ALDH5A1: variants seen among roughly 807,000 people sequenced by gnomAD.
The protein encoded by ALDH5A1 is succinate-semialdehyde dehydrogenase, mitochondrial.
A neutral mutation model predicts 54.7 loss-of-function variants in ALDH5A1; 33 were observed. The ratio of observed to expected loss-of-function variants is 0.60; its 90% CI spans 0.46 to 0.81. The LOEUF (loss-of-function observed/expected upper bound fraction) is 0.81. ALDH5A1 is among the 30% of genes least tolerant of loss of function. ALDH5A1 has a pLI of 0.00. For synonymous variants in ALDH5A1, 294 were observed against 292.7 expected, an observed-to-expected ratio of 1.00 and a Z score of -0.05; for missense variants, 657 against 711.0, an observed-to-expected ratio of 0.92 and a Z score of 0.86.
rs188830504 is a variant in ALDH5A1 at position 24,513,522 on chromosome 6, G to A, written c.727-1645G>A. ...TGTACCTTTTGCTTCCTTGTGTATC[G>A]TGTTCAAAGATAAGGTAGCTTGCTT... is the stretch of plus-strand genomic sequence containing the variant. On this transcript the variant is annotated intron_variant, in intron 4 of 9. Transcript: ENST00000357578. Among the ~76,000 whole-genome samples the A allele has an allele frequency of 1.1e-4, 16 of 152,238 alleles. No homozygotes were observed. The East Asian group carries it at 1.2e-3, about 11-fold the overall frequency.
intron 1 of ALDH5A1, among the ~76,000 whole-genome samples, chr6:24,495,588 C>T (rs1764684808): frequency 6.6e-6 from 1 of 152,212 alleles, no homozygotes; most frequent in Non-Finnish European, 1.5e-5. Flanking sequence ...TCAAGTTATG[C>T]ACTGCCCAGT....
rs147531984 is a variant in ALDH5A1, at chr6:24,498,701, C to A, written c.354+3351C>A. 2.4e-3 allele frequency among the ~76,000 whole-genome samples: 365 copies of A among 152,334 alleles called. 7 individuals carry two copies. In the East Asian group the frequency reaches 0.027, roughly 11 times the overall value. ...GGTTCAGGCTGGGCACGGTGGCTAA[C>A]GCCTGTAATCCCAGCACTTTGGGAG... is the stretch of plus-strand genomic sequence containing the variant. On this transcript the variant is annotated intron_variant, in intron 1 of 9. Coordinates refer to ENST00000357578, the MANE Select transcript of ALDH5A1 (RefSeq NM_001080.3).
chr6:24,520,645 T>C, intron 6 of ALDH5A1, 101 bp downstream of exon 6: 2 of 1,498,288 alleles, frequency 1.3e-6, no homozygotes, highest in Non-Finnish European at 1.8e-6. Flanking sequence ...TGTGTGTGTG[T>C]GTGCGTGTGT....
Position 24,495,120 on chromosome 6 carries a change from GC to G in ALDH5A1, c.127del (p.Gln43SerfsTer48). ...VPASGPAPGP[A>X]QLRCYAGRLA... ...TGCCTCCGGGCCTGCGCCCGGCCCG[GC>G]CCAGCTCCGCTGCTACGCTGGGCGC... On this transcript the variant is annotated frameshift_variant, in exon 1 of 10. Transcript: ENST00000357578. LOFTEE classifies it high-confidence loss of function. 1 of 1,374,872 alleles carries G rather than the reference GC, an allele frequency of 7.3e-7. No individual in the cohort carries two copies. The highest frequency in any genetic ancestry group is 9.3e-7 in the Non-Finnish European group (1 of 1,072,602). 85.2% of individuals were successfully genotyped at this position (1,374,872 alleles called of 1,614,324 possible).
At chr6:24,517,301 C>G (rs2127386552) in intron 5 of ALDH5A1, among the ~76,000 whole-genome samples, 1 of 152,280 alleles carries the variant, frequency 6.6e-6, no homozygotes, top group South Asian at 2.1e-4. Context: ...CCAGCGTGCC[C>G]AGCTGGAATA....
At chr6:24,510,905 G>A (rs904006463) in intron 4 of ALDH5A1, among the ~76,000 whole-genome samples, 2 of 152,034 alleles carry the variant, frequency 1.3e-5, no homozygotes, top group Non-Finnish European at 2.9e-5. Flanking sequence ...TTGTATTTTT[G>A]TTTTATAGGT....
At chr6:24,525,300 G>A (rs1317716432) in intron 7 of ALDH5A1, among the ~76,000 whole-genome samples, 1 of 152,182 alleles carries the variant, frequency 6.6e-6, no homozygotes, top group Non-Finnish European at 1.5e-5. Flanking sequence ...AGTTGCAGGT[G>A]ATGCACTATG....
At chr6:24,523,172 T>C (rs542382550) in intron 7 of ALDH5A1, among the ~76,000 whole-genome samples, 22 of 152,210 alleles carry the variant, frequency 1.4e-4, no homozygotes, top group African/African-American at 5.3e-4. Context: ...GTTCCCAGTA[T>C]AAAGAAATGA....
intron 2 of ALDH5A1, among the ~76,000 whole-genome samples, chr6:24,502,956 A>G (rs1291356776): frequency 1.3e-5 from 2 of 151,648 alleles, no homozygotes; most frequent in African/African-American, 4.8e-5. Flanking sequence ...TACTTCTTCC[A>G]TAGATATAAT....
Position 24,528,243 on chromosome 6 carries a change from G to A in ALDH5A1, c.1343+77G>A. ...AGGAAACCCTGAAAGAGATTCCTGG[G>A]CTGCTTTGAGGTCTGGCCAGGAGGC... On this transcript the variant is annotated intron_variant, in intron 8 of 9. Transcript: ENST00000357578. 3 of 1,566,028 alleles carry A rather than the reference G, an allele frequency of 1.9e-6. No homozygotes were observed. The Admixed American group carries it at 5.3e-5, about 27-fold the overall frequency.
intron 1 of ALDH5A1, among the ~76,000 whole-genome samples, chr6:24,500,169 T>A (rs985988570): frequency 6.6e-6 from 1 of 152,260 alleles, no homozygotes; most frequent in Non-Finnish European, 1.5e-5. Context: ...TGGAATTTTT[T>A]AAATTATGGC....
At chr6:24,520,282 T>C in intron 5 of ALDH5A1, 119 bp from the exon 6 acceptor site, 2 of 1,098,272 alleles carry the variant, frequency 1.8e-6, no homozygotes, top group Non-Finnish European at 2.8e-6. Context: ...TGCAAAGTTA[T>C]CCCATGTACA....
At chr6:24,498,612 GAT>G (rs1297032524) in intron 1 of ALDH5A1, among the ~76,000 whole-genome samples, 3 of 152,232 alleles carry the variant, frequency 2.0e-5, no homozygotes, top group African/African-American at 7.2e-5. Context: ...ACATTACAGT[GAT>G]GTCAGCTTCC....
intron 8 of ALDH5A1, among the ~76,000 whole-genome samples, chr6:24,529,818 C>G (rs1023170398): frequency 6.6e-6 from 1 of 151,326 alleles, no homozygotes; most frequent in Admixed American, 6.6e-5. Context: ...ATTACAGGCG[C>G]CCGCCACCAG....
At chr6:24,501,927 ATGTG>A (rs200086687) in intron 1 of ALDH5A1, among the ~76,000 whole-genome samples, 2 of 147,856 alleles carry the variant, frequency 1.4e-5, no homozygotes, top group Admixed American at 6.7e-5. Context: ...GTATATATAT[ATGTG>A]TGTGTGTGTA....
chr6:24,501,359 T>C (rs1249033547), intron 1 of ALDH5A1, among the ~76,000 whole-genome samples: 3 of 152,200 alleles, frequency 2.0e-5, no homozygotes, highest in East Asian at 1.9e-4. Flanking sequence ...TAGGTTAAAC[T>C]GAATCAACTT....
At chr6:24,531,149 G>A (rs370936046) in intron 8 of ALDH5A1, among the ~76,000 whole-genome samples, 37 of 152,338 alleles carry the variant, frequency 2.4e-4, no homozygotes, top group South Asian at 1.0e-3. Flanking sequence ...TATCTGTACC[G>A]TCTTATCCAG....
At chr6:24,526,460 TAAAAA>T (rs1561878182) in intron 7 of ALDH5A1, among the ~76,000 whole-genome samples, 1 of 151,642 alleles carries the variant, frequency 6.6e-6, no homozygotes, top group Admixed American at 6.6e-5. Flanking sequence ...ATAATAATAA[TAAAAA>T]AAGAAGTATG....
intron 6 of ALDH5A1, 59 bp downstream of exon 6, chr6:24,520,603 A>T: frequency 6.3e-7 from 1 of 1,583,706 alleles, no homozygotes; most frequent in Admixed American, 1.7e-5. Context: ...GAGTGTGTGT[A>T]TGTGTGTGTG....
Sources: allele counts gnomAD v4.1 joint callset (sites outside exome capture counted in the v4.1 genomes callset), GRCh38; gene constraint gnomAD v4.1.1; transcripts MANE v1.5; gene names NCBI Gene and HGNC (gene_info 2026-07-23, HGNC 2026-07-21).